Variants in CNGB3 observed in about 807,000 individuals in gnomAD.
CNGB3 encodes cyclic nucleotide gated channel subunit beta 3, also known as cyclic nucleotide-gated channel beta-3.
CNGB3 carries 86 observed loss-of-function variants against 92.8 expected under a neutral mutation model. The ratio of observed to expected loss-of-function variants is 0.93; its 90% CI spans 0.78 to 1.11. CNGB3 has a LOEUF of 1.11. Ranked by LOEUF, CNGB3 falls within the 50% of genes least tolerant of loss-of-function variation. CNGB3 has a pLI of 0.00. For synonymous variants in CNGB3, 333 were observed against 332.7 expected (o/e 1.00, Z -0.01); for missense variants, 1,026 against 956.8 (o/e 1.07, Z -0.95).
intron 6 of CNGB3, among the ~76,000 whole-genome samples, chr8:86,662,345 C>G (rs1823658288): frequency 6.6e-6 from 1 of 152,180 alleles, no homozygotes. Context: ...TGAGTATACT[C>G]TAAGTTCCTA....
At chr8:86,714,000 G>A (rs553229561) in intron 3 of CNGB3, among the ~76,000 whole-genome samples, 2 of 151,806 alleles carry the variant, frequency 1.3e-5, no homozygotes, top group Non-Finnish European at 2.9e-5. Flanking sequence ...TGTGACAATC[G>A]GTACACCTGC....
At chr8:86,636,345 G>A (rs577741128) in intron 10 of CNGB3, among the ~76,000 whole-genome samples, 12 of 152,062 alleles carry the variant, frequency 7.9e-5, no homozygotes, top group African/African-American at 2.2e-4. Flanking sequence ...GCTGAGGCGG[G>A]TGGATCACTT....
chr8:86,690,285 G>T lies in CNGB3; in HGVS notation c.339-19187C>A, dbSNP rs565756872. ...TGGTGTGAGATGGTATCTCATTGTG[G>T]TTTTGATTGGCATTTCTCTGATGGC... is the stretch of plus-strand genomic sequence containing the variant. On this transcript the variant is annotated intron_variant, in intron 3 of 17. Transcript: ENST00000320005. Among the ~76,000 whole-genome samples, 277 of 152,222 alleles carry T rather than the reference G, an allele frequency of 1.8e-3. 2 individuals carry two copies. Among genetic ancestry groups the T allele is most frequent in the Middle Eastern group, 6.8e-3 (2 of 294 alleles).
At chr8:86,739,268 C>G (rs1039915490) in intron 2 of CNGB3, among the ~76,000 whole-genome samples, 2 of 152,142 alleles carry the variant, frequency 1.3e-5, no homozygotes, top group Non-Finnish European at 2.9e-5. Context: ...TGTGTTCAAT[C>G]CACATTCATG....
intron 3 of CNGB3, among the ~76,000 whole-genome samples, chr8:86,699,056 A>C (rs1160080511): frequency 3.9e-5 from 6 of 152,084 alleles, no homozygotes; most frequent in Non-Finnish European, 8.8e-5. Flanking sequence ...AGCAAATGAG[A>C]GTTTTCTTAC....
intron 1 of CNGB3, among the ~76,000 whole-genome samples, chr8:86,742,923 T>C (rs935742112): frequency 3.9e-4 from 59 of 152,314 alleles, no homozygotes; most frequent in African/African-American, 1.4e-3. Context: ...TATTAAAATT[T>C]TGTAGTGTAT....
chr8:86,682,048 T>C (rs1824091621), intron 3 of CNGB3, among the ~76,000 whole-genome samples: 1 of 152,196 alleles, frequency 6.6e-6, no homozygotes, highest in African/African-American at 2.4e-5. Flanking sequence ...ATGAAGGAGT[T>C]GAAATTTTTC....
At position 86,726,530 on chromosome 8, in the gene CNGB3, C is replaced by T. The variant is rs1348982172; in HGVS notation, c.338+1G>A. ...TGTTGTGTGTTTTATTAAATGCTCA[C>T]CTGTTTGGACCTTCTTTCCCGGGGT... is the stretch of plus-strand genomic sequence containing the variant. On this transcript the variant is annotated splice_donor_variant, in intron 3 of 17. Transcript: ENST00000320005. LOFTEE classifies it high-confidence loss of function. The T allele has an allele frequency of 1.2e-6, 2 of 1,613,686 alleles. No individual in the cohort carries two copies. Among genetic ancestry groups the T allele is most frequent in the Non-Finnish European group, 8.5e-7 (1 of 1,179,676 alleles).
At chr8:86,740,338 A>G (rs780215384) in intron 1 of CNGB3, among the ~76,000 whole-genome samples, 4 of 152,214 alleles carry the variant, frequency 2.6e-5, no homozygotes, top group Non-Finnish European at 5.9e-5. Context: ...TAGGTGACGA[A>G]TCAATGTCTG....
intron 3 of CNGB3, among the ~76,000 whole-genome samples, chr8:86,700,695 G>C (rs1824538895): frequency 6.6e-6 from 1 of 152,188 alleles, no homozygotes; most frequent in African/African-American, 2.4e-5. Flanking sequence ...CTGGAGTGCA[G>C]TGGCATGATC....
intron 13 of CNGB3, among the ~76,000 whole-genome samples, chr8:86,621,530 C>T (rs934758566): frequency 2.0e-5 from 3 of 151,938 alleles, no homozygotes; most frequent in Non-Finnish European, 4.4e-5. Flanking sequence ...TACACAGATA[C>T]GTTCTTTAGT....
rs537686571 is a variant in CNGB3 at position 86,733,182 on chromosome 8, G to C, written c.211+6473C>G. On this transcript the variant is annotated intron_variant, in intron 2 of 17. Transcript: ENST00000320005. The stretch of plus-strand genomic sequence containing the variant: ...GTGTTTAGCTTACACTTATAAGTGA[G>C]AACATGTGGTATTTGGCTTTCTATT... 8.7e-4 allele frequency among the ~76,000 whole-genome samples: 132 copies of C among 152,218 alleles called. 2 individuals carry two copies. The highest frequency in any genetic ancestry group is 7.5e-3 in the South Asian group (36 of 4,826).
At chr8:86,722,540 G>C (rs7841121) in intron 3 of CNGB3, among the ~76,000 whole-genome samples, 1 of 152,082 alleles carries the variant, frequency 6.6e-6, no homozygotes, top group Non-Finnish European at 1.5e-5. Context: ...GAGCCATAAC[G>C]TGCCCAGATA....
intron 4 of CNGB3, 99 bp from the exon 5 acceptor site, chr8:86,668,267 A>G (rs1467753364): frequency 2.5e-6 from 3 of 1,211,970 alleles, no homozygotes; most frequent in East Asian, 5.4e-5. Flanking sequence ...GTTCTCACTC[A>G]TAAGTGGGAG....
intron 7 of CNGB3, among the ~76,000 whole-genome samples, chr8:86,651,205 A>G (rs946910299): frequency 1.3e-4 from 19 of 151,708 alleles, no homozygotes; most frequent in African/African-American, 4.3e-4. Flanking sequence ...ACTGGATACA[A>G]TGTACACTAC....
At chr8:86,679,506 T>TTCTC (rs1824038942) in intron 3 of CNGB3, among the ~76,000 whole-genome samples, 1 of 147,838 alleles carries the variant, frequency 6.8e-6, no homozygotes, top group Non-Finnish European at 1.5e-5. Flanking sequence ...TTGGTGTCCT[T>TTCTC]TTTCTTTCTT....
chr8:86,742,213 A>G (rs1354604582), intron 1 of CNGB3, among the ~76,000 whole-genome samples: 2 of 152,218 alleles, frequency 1.3e-5, no homozygotes, highest in Non-Finnish European at 2.9e-5. Flanking sequence ...GGCAAGGGTT[A>G]AAGATGGATG....
chr8:86,654,145 C>A, intron 6 of CNGB3, 83 bp from the exon 7 acceptor site: 1 of 928,532 alleles, frequency 1.1e-6, no homozygotes, highest in South Asian at 1.3e-5. Context: ...AACTGTTTCT[C>A]TTGGTTGGTT....
chr8:86,598,738 C>A (rs1388550848), intron 15 of CNGB3, among the ~76,000 whole-genome samples: 5 of 152,112 alleles, frequency 3.3e-5, no homozygotes, highest in African/African-American at 1.2e-4. Flanking sequence ...CCTCTTATGT[C>A]TTTTATAAAG....
Sources: allele counts gnomAD v4.1 joint callset (sites outside exome capture counted in the v4.1 genomes callset), GRCh38; gene constraint gnomAD v4.1.1; transcripts MANE v1.5; gene names NCBI Gene and HGNC (gene_info 2026-07-23, HGNC 2026-07-21).